FAM153A: variants seen among roughly 807,000 people sequenced by gnomAD.
FAM153A encodes protein FAM153A.
Under a neutral mutation model 48.1 loss-of-function variants are expected in FAM153A, and 12 were observed. The observed-to-expected ratio is 0.25, with a 90% confidence interval of 0.16 to 0.40. The LOEUF (loss-of-function observed/expected upper bound fraction) is 0.40. Ranked by LOEUF, FAM153A falls within the 10% of genes least tolerant of loss-of-function variation. FAM153A has a pLI of 1.00. For synonymous variants in FAM153A, 36 were observed against 118.2 expected (o/e 0.30, Z 4.51); for missense variants, 111 against 345.8 (o/e 0.32, Z 5.38).
At chr5:177,695,274 T>TA in the FAM153A span, among the ~76,000 whole-genome samples, 1 of 147,368 alleles carries the variant, frequency 6.8e-6, no homozygotes, top group Non-Finnish European at 1.5e-5. Context: ...GCTATTTTTT[T>TA]ATTTATTGAT....
At chr5:177,726,045 TTC>T (rs1762410684) in intron 18 of FAM153A, among the ~76,000 whole-genome samples, 1 of 143,222 alleles carries the variant, frequency 7.0e-6, no homozygotes. Context: ...AGAGGAAGGA[TTC>T]CCTGTGTCAT....
the FAM153A span, among the ~76,000 whole-genome samples, chr5:177,698,178 T>C: frequency 6.6e-6 from 1 of 151,320 alleles, no homozygotes; most frequent in Non-Finnish European, 1.5e-5. Context: ...CAAGGAAAGG[T>C]TCTCATTTGT....
intron 4 of FAM153A, among the ~76,000 whole-genome samples, chr5:177,746,202 G>A (rs1247102539): frequency 2.0e-5 from 3 of 151,082 alleles, no homozygotes; most frequent in East Asian, 1.9e-4. Flanking sequence ...TACAGCTGTG[G>A]TGGACGATGA....
At chr5:177,714,280 G>A (rs958277891) in intron 25 of FAM153A, 57 of 151,164 alleles carry the variant, frequency 3.8e-4, no homozygotes, top group African/African-American at 1.4e-3. Flanking sequence ...TAGGAGTCAG[G>A]ATTAAGGAAA....
downstream of FAM153A, among the ~76,000 whole-genome samples, chr5:177,703,143 C>T (rs1176931616): frequency 6.6e-6 from 1 of 152,192 alleles, no homozygotes; most frequent in African/African-American, 2.4e-5. Flanking sequence ...TCAAAACCAG[C>T]CCTTGAGAGT....
chr5:177,700,261 C>T, the FAM153A span, among the ~76,000 whole-genome samples: 2 of 151,874 alleles, frequency 1.3e-5, no homozygotes, highest in South Asian at 2.1e-4. Context: ...AGATTGAGAG[C>T]TTTCTCCCTA....
chr5:177,717,207 C>G (rs888319126), exon 24 of FAM153A: 2 of 138,524 alleles, frequency 1.4e-5, no homozygotes, highest in African/African-American at 2.8e-5. Flanking sequence ...AGCCTCTACC[C>G]GAGTCATTTC....
chr5:177,700,916 A>C, the FAM153A span, among the ~76,000 whole-genome samples: 1 of 151,916 alleles, frequency 6.6e-6, no homozygotes, highest in African/African-American at 2.4e-5. Context: ...TCTGATAATG[A>C]TTTGGATCCA....
chr5:177,711,993 C>G (rs960335032), exon 27 of FAM153A: 24 of 151,828 alleles, frequency 1.6e-4, no homozygotes, highest in Non-Finnish European at 2.1e-4. Context: ...AATAAAATGA[C>G]TGTTAAGAGA....
chr5:177,758,614 G>T (rs1767985818), intron 1 of FAM153A, among the ~76,000 whole-genome samples: 1 of 146,902 alleles, frequency 6.8e-6, no homozygotes, highest in African/African-American at 2.5e-5. Flanking sequence ...CATGGTACTG[G>T]TTCCAAAACA....
chr5:177,752,713 A>G (rs1767137818), intron 1 of FAM153A, among the ~76,000 whole-genome samples: 2 of 131,980 alleles, frequency 1.5e-5, no homozygotes, highest in Admixed American at 7.5e-5. Context: ...GTGGATCAGG[A>G]GGTCAGGAGT....
chr5:177,761,044 C>T (rs562218699), intron 1 of FAM153A, among the ~76,000 whole-genome samples: 15 of 151,744 alleles, frequency 9.9e-5, no homozygotes, highest in African/African-American at 3.4e-4. Flanking sequence ...TCTTATGAAG[C>T]GGGACTGAAT....
At chr5:177,712,674 CCT>C in exon 27 of FAM153A, 1 of 151,470 alleles carries the variant, frequency 6.6e-6, no homozygotes, top group Middle Eastern at 3.4e-3. Flanking sequence ...TATCAGTACA[CCT>C]CTCTCTAAGC....
chr5:177,752,993 G>A (rs1767220191), intron 1 of FAM153A, among the ~76,000 whole-genome samples: 1 of 144,294 alleles, frequency 6.9e-6, no homozygotes, highest in Non-Finnish European at 1.5e-5. Context: ...AGTATTTGAG[G>A]CAAAAATCTT....
chr5:177,707,368 C>T (rs921734643), downstream of FAM153A, among the ~76,000 whole-genome samples: 1 of 151,696 alleles, frequency 6.6e-6, no homozygotes, highest in African/African-American at 2.4e-5. Context: ...GTTGGAAACT[C>T]TCCAGGTACA....
upstream of FAM153A, chr5:177,782,760 C>T (rs1769811000): frequency 1.1e-5 from 1 of 89,138 alleles, no homozygotes; most frequent in Admixed American, 1.2e-4. Context: ...GCGATCTAGC[C>T]CAGAATCCGC....
downstream of FAM153A, among the ~76,000 whole-genome samples, chr5:177,705,031 C>T (rs375838553): frequency 2.3e-4 from 34 of 149,928 alleles, no homozygotes; most frequent in Admixed American, 6.6e-4. Context: ...AGACTGGGTG[C>T]GGTGGCTCAC....
the FAM153A span, among the ~76,000 whole-genome samples, chr5:177,702,032 C>A: frequency 6.6e-6 from 1 of 151,532 alleles, no homozygotes; most frequent in Non-Finnish European, 1.5e-5. Flanking sequence ...CTCAGCCTCC[C>A]GAGTAGCTGG....
At chr5:177,771,596 G>A (rs1457147501) in intron 1 of FAM153A, among the ~76,000 whole-genome samples, 3 of 95,784 alleles carry the variant, frequency 3.1e-5, no homozygotes, top group African/African-American at 8.3e-5. Flanking sequence ...AGAAAGACCC[G>A]CATGCAAGCC....
Sources: gnomAD v4.1 joint callset for allele counts (sites outside exome capture counted in the v4.1 genomes callset) on GRCh38, gnomAD v4.1.1 for gene constraint, MANE v1.5 for transcripts, NCBI Gene and HGNC (gene_info 2026-07-23, HGNC 2026-07-21) for gene names.